Variants in CDYL observed in about 807,000 individuals in gnomAD.
CDYL encodes chromodomain Y like.
In CDYL, 8 loss-of-function variants were observed where a neutral mutation model predicts 47.3. That is an observed-to-expected ratio of 0.17 (90% CI 0.10 to 0.31). The LOEUF (loss-of-function observed/expected upper bound fraction) is 0.31. Among genes scored for constraint, CDYL ranks in the 10% least tolerant of loss-of-function variants. The probability of loss-of-function intolerance (pLI) is 1.00; values close to 1 mark genes in which losing one functional copy is unlikely to be tolerated. For missense variants in CDYL, 471 were observed against 701.4 expected, an observed-to-expected ratio of 0.67 and a Z score of 3.71; for synonymous variants, 266 against 265.0, an observed-to-expected ratio of 1.00 and a Z score of -0.04.
chr6:4,831,434 C>T (rs917337715), intron 1 of CDYL, among the ~76,000 whole-genome samples: 13 of 152,140 alleles, frequency 8.5e-5, no homozygotes, highest in Non-Finnish European at 1.6e-4. Context: ...TTCCATTGAT[C>T]TATATCTCTG....
intron 1 of CDYL, among the ~76,000 whole-genome samples, chr6:4,712,525 G>A (rs1271517187): frequency 2.0e-5 from 3 of 152,208 alleles, no homozygotes; most frequent in African/African-American, 4.8e-5. Flanking sequence ...TGGCTGGGGA[G>A]GGCCACCTCC....
At chr6:4,784,083 A>G (rs1171595436) in intron 1 of CDYL, among the ~76,000 whole-genome samples, 3 of 152,130 alleles carry the variant, frequency 2.0e-5, no homozygotes, top group Middle Eastern at 3.4e-3. Context: ...ATTTCCTTGG[A>G]TCTAAACTAT....
intron 2 of CDYL, among the ~76,000 whole-genome samples, chr6:4,927,869 G>A (rs73348396): frequency 0.018 from 2,742 of 151,940 alleles, 79 homozygotes; most frequent in African/African-American, 0.059. Context: ...GCTCTTCTCC[G>A]TCTAGAAACT....
chr6:4,752,120 A>G (rs1433255433), intron 3 of CDYL, among the ~76,000 whole-genome samples: 2 of 152,214 alleles, frequency 1.3e-5, no homozygotes, highest in Non-Finnish European at 2.9e-5. Context: ...CAGGGACAGC[A>G]GGTCTTCCTA....
intron 1 of CDYL, among the ~76,000 whole-genome samples, chr6:4,889,422 A>T (rs1761980257): frequency 6.6e-6 from 1 of 151,954 alleles, no homozygotes; most frequent in Non-Finnish European, 1.5e-5. Flanking sequence ...ACGGGGTTTC[A>T]CCATGTTGTC....
intron 1 of CDYL, among the ~76,000 whole-genome samples, chr6:4,820,400 A>C (rs141908404): frequency 2.1e-3 from 318 of 152,290 alleles, no homozygotes; most frequent in African/African-American, 7.3e-3. Flanking sequence ...AAAGTTTTAC[A>C]TATCAGGTTC....
intron 2 of CDYL, among the ~76,000 whole-genome samples, chr6:4,920,995 C>CTG (rs112009340): frequency 0.16 from 24,311 of 149,924 alleles, 2,881 homozygotes; most frequent in African/African-American, 0.33. Context: ...CATGATACAT[C>CTG]TGTGTGTGTG....
At chr6:4,749,400 T>A (rs1020750404) in intron 3 of CDYL, among the ~76,000 whole-genome samples, 1 of 151,614 alleles carries the variant, frequency 6.6e-6, no homozygotes, top group African/African-American at 2.4e-5. Flanking sequence ...GATGGATGGA[T>A]GAATGAATGT....
At position 4,840,503 on chromosome 6, in the gene CDYL, A is replaced by G. The variant is rs142114022; in HGVS notation, c.25-51210A>G. Among the ~76,000 whole-genome samples the G allele has an allele frequency of 1.6e-3, 244 of 152,236 alleles. 1 individual carries two copies. Among genetic ancestry groups the G allele is most frequent in the Non-Finnish European group, 2.5e-3 (173 of 68,004 alleles). On this transcript the variant is annotated intron_variant, in intron 1 of 6. Coordinates refer to ENST00000397588, the MANE Select transcript of CDYL (RefSeq NM_004824.4). ...TCCAGTTCTCAGGGGAATGCTTTCAACTTTTCACCATTCAGTGTTATGTTG... is the reference window on the plus strand; with the variant it reads ...TCCAGTTCTCAGGGGAATGCTTTCAGCTTTTCACCATTCAGTGTTATGTTG...
intron 2 of CDYL, among the ~76,000 whole-genome samples, chr6:4,898,227 GA>G (rs60232350): frequency 0.94 from 143,296 of 151,744 alleles, 68,192 homozygotes; most frequent in East Asian, 1. Context: ...GTCTCAAAAA[GA>G]AAAAAAAACG....
chr6:4,864,569 A>G (rs990154163), intron 1 of CDYL, among the ~76,000 whole-genome samples: 1 of 152,142 alleles, frequency 6.6e-6, no homozygotes, highest in Non-Finnish European at 1.5e-5. Flanking sequence ...CAGAATTCCT[A>G]CGTGTTGTGA....
chr6:4,783,011 C>T (rs73717729), intron 1 of CDYL, among the ~76,000 whole-genome samples: 3,349 of 152,234 alleles, frequency 0.022, 135 homozygotes, highest in African/African-American at 0.076. Context: ...TTCCTTGAAC[C>T]CTGGTGCATT....
intron 2 of CDYL, among the ~76,000 whole-genome samples, chr6:4,716,316 G>A (rs1435017749): frequency 6.6e-6 from 1 of 151,520 alleles, no homozygotes. Flanking sequence ...TGGTATTCCA[G>A]TCATAATACT....
chr6:4,773,664 G>A (rs569041577), upstream of CDYL, among the ~76,000 whole-genome samples: 2 of 152,294 alleles, frequency 1.3e-5, no homozygotes, highest in South Asian at 4.1e-4. The surrounding 1 kb of genome is among the most constrained non-coding windows in gnomAD (Gnocchi z 4.6). Context: ...GGACAATTGA[G>A]AACTTCCTCA....
At chr6:4,710,013 G>T (rs368561575) in intron 1 of CDYL, among the ~76,000 whole-genome samples, 13 of 152,176 alleles carry the variant, frequency 8.5e-5, no homozygotes, top group South Asian at 8.3e-4. Flanking sequence ...CTGTGTTCAG[G>T]AGTTCAAGAC....
chr6:4,862,580 C>T (rs1011498424), intron 1 of CDYL, among the ~76,000 whole-genome samples: 3 of 152,288 alleles, frequency 2.0e-5, no homozygotes, highest in Non-Finnish European at 4.4e-5. Flanking sequence ...TCAAAGCTCC[C>T]TACCTTTGGG....
At chr6:4,755,516 C>T (rs1430105232) in intron 3 of CDYL, among the ~76,000 whole-genome samples, 1 of 152,168 alleles carries the variant, frequency 6.6e-6, no homozygotes, top group Non-Finnish European at 1.5e-5. Flanking sequence ...ACTCTGGGAC[C>T]TGAATATCAC....
chr6:4,840,817 G>A (rs1235007764), intron 1 of CDYL, among the ~76,000 whole-genome samples: 1 of 152,006 alleles, frequency 6.6e-6, no homozygotes, highest in Non-Finnish European at 1.5e-5. Flanking sequence ...AAGGATTTTT[G>A]CATCTATATT....
intron 1 of CDYL, among the ~76,000 whole-genome samples, chr6:4,799,666 G>A (rs1275479118): frequency 6.6e-6 from 1 of 152,080 alleles, no homozygotes; most frequent in Non-Finnish European, 1.5e-5. Flanking sequence ...GAACTCCTGA[G>A]CTAGGCGATC....
Sources: gnomAD v4.1 joint callset for allele counts (sites outside exome capture counted in the v4.1 genomes callset) on GRCh38, gnomAD v4.1.1 for gene constraint, Gnocchi (gnomAD v3.1) non-coding constraint, MANE v1.5 for transcripts, NCBI Gene and HGNC (gene_info 2026-07-23, HGNC 2026-07-21) for gene names.